UST: variants seen among roughly 807,000 people sequenced by gnomAD.
The protein encoded by UST is chondroitin sulfate 2-O-sulfotransferase.
In UST, 21 loss-of-function variants were observed where a neutral mutation model predicts 45.6. That is an observed-to-expected ratio of 0.46 (90% CI 0.33 to 0.66). UST has a LOEUF of 0.66. Among genes scored for constraint, UST ranks in the 30% least tolerant of loss-of-function variants. The pLI, the probability that UST is intolerant of heterozygous loss-of-function variation, is 0.02. For synonymous variants in UST, 215 were observed against 200.6 expected, an observed-to-expected ratio of 1.07 and a Z score of -0.61; for missense variants, 463 against 512.4, an observed-to-expected ratio of 0.90 and a Z score of 0.93.
At chr6:149,060,887 A>AT (rs1342641742) in intron 7 of UST, among the ~76,000 whole-genome samples, 2 of 151,704 alleles carry the variant, frequency 1.3e-5, no homozygotes, top group Non-Finnish European at 1.5e-5. Flanking sequence ...GTCCATGCTT[A>AT]TTTTTTTTCG....
chr6:148,785,371 G>A (rs1331925367), intron 1 of UST, among the ~76,000 whole-genome samples: 2 of 152,144 alleles, frequency 1.3e-5, no homozygotes, highest in Non-Finnish European at 2.9e-5. Context: ...GGGGACAACT[G>A]CATAATATCT....
intron 2 of UST, among the ~76,000 whole-genome samples, chr6:148,897,706 G>A (rs1779164026): frequency 6.6e-6 from 1 of 151,672 alleles, no homozygotes; most frequent in Admixed American, 6.6e-5. Flanking sequence ...GCCCAGGCTG[G>A]CCTTGAACCC....
At chr6:149,012,785 G>GTTA (rs1414040856) in intron 5 of UST, among the ~76,000 whole-genome samples, 1 of 142,352 alleles carries the variant, frequency 7.0e-6, no homozygotes, top group Admixed American at 7.2e-5. Context: ...TTCTCTGTGA[G>GTTA]TTAGCCAGAG....
In UST at chr6:149,074,030, A is replaced by G. The variant is rs1776855898; in HGVS notation, c.1135A>G (p.Ile379Val). The G allele has an allele frequency of 6.8e-6, 11 of 1,614,212 alleles. No homozygotes were observed. The highest frequency in any genetic ancestry group is 9.3e-6 in the Non-Finnish European group (11 of 1,180,030). ...GCCCCCCCTGAGGCCACACTTCTTTATCCCAACTCCACTGGAAACCGAGGA... is the reference window on the plus strand; with the variant it reads ...GCCCCCCCTGAGGCCACACTTCTTTGTCCCAACTCCACTGGAAACCGAGGA... Reference protein sequence around the residue: ...SKPPLRPHFFIPTPLETEEPI... With the variant: ...SKPPLRPHFFVPTPLETEEPI... The change falls in exon 8 of 8, where the codon ATC (isoleucine) becomes GTC (valine). Residue 379 changes from isoleucine to valine, a missense_variant. Coordinates refer to ENST00000367463, the MANE Select transcript of UST (RefSeq NM_005715.3).
intron 1 of UST, among the ~76,000 whole-genome samples, chr6:148,775,091 C>G (rs1248867047): frequency 2.0e-5 from 3 of 152,106 alleles, no homozygotes; most frequent in Non-Finnish European, 4.4e-5. Context: ...GATCTCACCT[C>G]TAACAAGGGT....
intron 3 of UST, among the ~76,000 whole-genome samples, chr6:148,942,332 G>A (rs1423457315): frequency 6.6e-6 from 1 of 152,056 alleles, no homozygotes; most frequent in Non-Finnish European, 1.5e-5. Flanking sequence ...GGAGCCTGAG[G>A]ATCGAGATCA....
At chr6:148,852,501 T>C (rs535783401) in intron 1 of UST, among the ~76,000 whole-genome samples, 13 of 152,294 alleles carry the variant, frequency 8.5e-5, no homozygotes, top group Non-Finnish European at 1.8e-4. Flanking sequence ...TACTGAAATA[T>C]ATATTACAGT....
intron 3 of UST, among the ~76,000 whole-genome samples, chr6:148,945,763 A>G (rs572863772): frequency 2.4e-4 from 37 of 152,320 alleles, no homozygotes; most frequent in African/African-American, 7.9e-4. Flanking sequence ...TTCATTGTTC[A>G]GGGGAGTCTT....
intron 5 of UST, among the ~76,000 whole-genome samples, chr6:148,999,413 A>C (rs1475560470): frequency 4.6e-5 from 7 of 152,390 alleles, no homozygotes; most frequent in Non-Finnish European, 8.8e-5. Context: ...CTTCTAGGTT[A>C]GAATATAATT....
At chr6:148,833,776 T>A (rs1384108109) in intron 1 of UST, among the ~76,000 whole-genome samples, 1 of 152,194 alleles carries the variant, frequency 6.6e-6, no homozygotes, top group South Asian at 2.1e-4. Context: ...AAATTCAACA[T>A]GCATGAATCT....
At chr6:148,989,483 C>G (rs1781307014) in intron 5 of UST, among the ~76,000 whole-genome samples, 1 of 152,086 alleles carries the variant, frequency 6.6e-6, no homozygotes, top group Admixed American at 6.5e-5. Context: ...GAGACTATTA[C>G]CAAAATAAAA....
chr6:148,952,447 A>G (rs1402539751), intron 3 of UST, among the ~76,000 whole-genome samples: 1 of 152,250 alleles, frequency 6.6e-6, no homozygotes, highest in Non-Finnish European at 1.5e-5. Context: ...TTACCTTTAA[A>G]ATTCAATTTC....
chr6:148,759,058 C>A (rs1776152637), intron 1 of UST, among the ~76,000 whole-genome samples: 1 of 152,118 alleles, frequency 6.6e-6, no homozygotes, highest in African/African-American at 2.4e-5. Context: ...GTCATGTGAG[C>A]CTCCAAGGCT....
intron 5 of UST, among the ~76,000 whole-genome samples, chr6:148,985,651 G>T (rs1781225095): frequency 6.6e-6 from 1 of 152,200 alleles, no homozygotes; most frequent in African/African-American, 2.4e-5. Context: ...TGGAAAAAAT[G>T]AAGATAGTGG....
At chr6:148,809,038 T>C (rs766742751) in intron 1 of UST, among the ~76,000 whole-genome samples, 3 of 152,240 alleles carry the variant, frequency 2.0e-5, no homozygotes, top group Non-Finnish European at 4.4e-5. Context: ...ACTAAGACAC[T>C]GTCCCTCACT....
intron 1 of UST, among the ~76,000 whole-genome samples, chr6:148,787,288 C>T (rs1776750931): frequency 6.6e-6 from 1 of 152,132 alleles, no homozygotes; most frequent in African/African-American, 2.4e-5. Flanking sequence ...AATGACGTTG[C>T]CTAGGTTTTA....
At chr6:149,022,578 C>T (rs772681128) in intron 7 of UST, among the ~76,000 whole-genome samples, 5 of 151,888 alleles carry the variant, frequency 3.3e-5, no homozygotes, top group African/African-American at 7.3e-5. Flanking sequence ...CCAGCCTAGG[C>T]GACAAGAGCG....
chr6:148,856,996 CTT>C (rs1283277340), intron 1 of UST, among the ~76,000 whole-genome samples: 1 of 148,664 alleles, frequency 6.7e-6, no homozygotes, highest in Non-Finnish European at 1.5e-5. Flanking sequence ...ACATATATTA[CTT>C]ATATATACAT....
intron 1 of UST, among the ~76,000 whole-genome samples, chr6:148,808,017 TG>T (rs1393507562): frequency 2.6e-5 from 4 of 152,114 alleles, no homozygotes; most frequent in African/African-American, 9.7e-5. Context: ...CAGAAGCCGG[TG>T]GGGAAGCCAG....
Sources: allele counts gnomAD v4.1 joint callset (sites outside exome capture counted in the v4.1 genomes callset), GRCh38; gene constraint gnomAD v4.1.1; transcripts MANE v1.5; gene names NCBI Gene and HGNC (gene_info 2026-07-23, HGNC 2026-07-21).